The following FAT3 variants were observed in gnomAD, a reference collection of about 807,000 sequenced individuals.
FAT3 encodes the protein FAT atypical cadherin 3.
In FAT3, 95 loss-of-function variants were observed where a neutral mutation model predicts 310.2. The observed-to-expected ratio is 0.31, with a 90% confidence interval of 0.26 to 0.36. The LOEUF is 0.36. Ranked by LOEUF, FAT3 falls within the 10% of genes least tolerant of loss-of-function variation. The pLI, the probability that FAT3 is intolerant of heterozygous loss-of-function variation, is 1.00. For missense variants in FAT3, 5,408 were observed against 5,715.6 expected (o/e 0.95, Z 1.74); for synonymous variants, 2,314 against 2,192.9 (o/e 1.06, Z -1.54).
chr11:92,358,369 A>C (rs1319797108), intron 2 of FAT3, among the ~76,000 whole-genome samples: 1 of 152,086 alleles, frequency 6.6e-6, no homozygotes, highest in Non-Finnish European at 1.5e-5. Flanking sequence ...TCTTGAACCC[A>C]CATCTCCTCA....
rs754718343 is a variant in FAT3, at chr11:92,801,213, C to T, written c.8200C>T (p.Pro2734Ser). The part of the protein sequence containing the change: ...GSTVDTLRIL[P>S]SQNVWFSTVN... ...TACAGTGGACACCCTGAGGATTTTG[C>T]CCAGTCAGAATGTCTGGTTCAGCAC... is the stretch of plus-strand genomic sequence containing the variant. The change falls in exon 10 of 28, where the codon CCC becomes TCC. Residue 2734 changes from proline (P) to serine (S), a missense_variant. Pro to Ser is a moderately conservative substitution (Grantham distance 74). Around this residue, in one of 5 missense-constraint regions of FAT3, gnomAD observed 4,588 missense variants for 4,809.8 expected, o/e 0.95. Coordinates refer to ENST00000525166, the MANE Select transcript of FAT3 (RefSeq NM_001367949.2). 4 of 1,613,714 alleles carry T rather than the reference C, an allele frequency of 2.5e-6. No individual in the cohort carries two copies. The highest frequency in any genetic ancestry group is 1.3e-5 in the African/African-American group (1 of 75,032).
chr11:92,560,129 T>C (rs1279684006), intron 3 of FAT3, among the ~76,000 whole-genome samples: 2 of 152,182 alleles, frequency 1.3e-5, no homozygotes, highest in Admixed American at 6.6e-5. Flanking sequence ...CATCTGACTT[T>C]TTGTTTTTAG....
chr11:92,683,305 G>A (rs1223054508), intron 3 of FAT3, among the ~76,000 whole-genome samples: 2 of 152,130 alleles, frequency 1.3e-5, no homozygotes, highest in African/African-American at 4.8e-5. Flanking sequence ...CTAAAGGAAA[G>A]GATATTTCTT....
chr11:92,242,504 C>T (rs1434540574), intron 1 of FAT3, among the ~76,000 whole-genome samples: 2 of 151,852 alleles, frequency 1.3e-5, no homozygotes, highest in Non-Finnish European at 2.9e-5. Flanking sequence ...TCTTCACTGA[C>T]TCATAAATGT....
chr11:92,497,630 T>A (rs1952803374), intron 2 of FAT3, among the ~76,000 whole-genome samples: 1 of 152,068 alleles, frequency 6.6e-6, no homozygotes, highest in Non-Finnish European at 1.5e-5. Flanking sequence ...ATTTATGATA[T>A]GACATCATCT....
chr11:92,747,532 T>C (rs1945709003), intron 4 of FAT3, among the ~76,000 whole-genome samples: 2 of 152,248 alleles, frequency 1.3e-5, no homozygotes, highest in Admixed American at 6.5e-5. Context: ...GTTTTCCCAT[T>C]GTCTTGGTGA....
chr11:92,378,709 C>T (rs189986508), intron 2 of FAT3, among the ~76,000 whole-genome samples: 1 of 152,288 alleles, frequency 6.6e-6, no homozygotes, highest in East Asian at 1.9e-4. Flanking sequence ...TAACAGAATA[C>T]CATAAGCTGA....
At chr11:92,832,340 AAAT>A (rs573100211) in intron 14 of FAT3, among the ~76,000 whole-genome samples, 1 of 151,994 alleles carries the variant, frequency 6.6e-6, no homozygotes, top group South Asian at 2.1e-4. Flanking sequence ...TGTCCAAAAA[AAAT>A]AATAATAGTA....
chr11:92,639,287 A>T (rs1216960514), intron 3 of FAT3, among the ~76,000 whole-genome samples: 2 of 152,114 alleles, frequency 1.3e-5, no homozygotes, highest in Non-Finnish European at 2.9e-5. Flanking sequence ...ACTACCTTTA[A>T]TGCTGTCTGC....
At chr11:92,265,889 A>G (rs897518809) in intron 1 of FAT3, among the ~76,000 whole-genome samples, 1 of 152,020 alleles carries the variant, frequency 6.6e-6, no homozygotes, top group Admixed American at 6.6e-5. Context: ...CAACACATAC[A>G]TCTTTGGGGA....
intron 3 of FAT3, among the ~76,000 whole-genome samples, chr11:92,664,123 G>A (rs1565496198): frequency 6.6e-6 from 1 of 152,072 alleles, no homozygotes; most frequent in Non-Finnish European, 1.5e-5. Flanking sequence ...TGTTCAGCAT[G>A]GCATGTCCTT....
chr11:92,745,455 T>A (rs1945631816), intron 4 of FAT3, among the ~76,000 whole-genome samples: 1 of 152,044 alleles, frequency 6.6e-6, no homozygotes, highest in Non-Finnish European at 1.5e-5. Context: ...TGAGGAGGTG[T>A]TTAGTTCCTG....
intron 3 of FAT3, among the ~76,000 whole-genome samples, chr11:92,691,782 C>G (rs1187195977): frequency 6.6e-6 from 1 of 151,992 alleles, no homozygotes; most frequent in Admixed American, 6.6e-5. Flanking sequence ...CAAAATAATT[C>G]CTATTTCTCT....
intron 3 of FAT3, among the ~76,000 whole-genome samples, chr11:92,556,663 A>G (rs1326578214): frequency 6.6e-6 from 1 of 152,160 alleles, no homozygotes; most frequent in Non-Finnish European, 1.5e-5. Context: ...TTGTTTCATG[A>G]ACATGCTTAA....
rs768150016 is a variant in FAT3, at chr11:92,800,947, T to C, written c.7934T>C (p.Val2645Ala). Residue 2645 changes from valine to alanine, a missense_variant, in exon 10 of 28, where the codon GTT becomes GCT. Val to Ala is a moderately conservative substitution (Grantham distance 64, BLOSUM62 0). Coordinates refer to ENST00000525166, the MANE Select transcript of FAT3 (RefSeq NM_001367949.2). ...TATTCCCTCTATAGCGAGGCCTCTG[T>C]TTCAGTGGCCGACCTCCTGGAAATC... ...ITYSLYSEAS[V>A]SVADLLEIDP... The C allele has an allele frequency of 5.6e-6, 9 of 1,613,018 alleles. No individual in the cohort carries two copies. In the South Asian group the frequency reaches 6.6e-5, roughly 12 times the overall value.
intron 4 of FAT3, among the ~76,000 whole-genome samples, chr11:92,751,907 C>T (rs12224427): frequency 0.26 from 40,084 of 151,934 alleles, 5,934 homozygotes; most frequent in Non-Finnish European, 0.33. Context: ...TAAGCCTCAC[C>T]GTCTCCAGCT....
chr11:92,893,550 G>A lies in FAT3; in HGVS notation c.*2437G>A, dbSNP rs1949961892. ...TACTGCTTACACAGCATCTCTTTGAGGGAGAATGCCTGACTGACACAGTAA... is the reference window on the plus strand; with the variant it reads ...TACTGCTTACACAGCATCTCTTTGAAGGAGAATGCCTGACTGACACAGTAA... On this transcript the variant is annotated 3_prime_UTR_variant, in exon 28 of 28. Coordinates refer to ENST00000525166, the MANE Select transcript of FAT3 (RefSeq NM_001367949.2). The A allele has an allele frequency of 6.6e-6, 1 of 152,172 alleles. No individual in the cohort carries two copies. Among genetic ancestry groups the A allele is most frequent in the Admixed American group, 6.5e-5 (1 of 15,286 alleles). 9.4% of individuals were successfully genotyped at this position (152,172 alleles called of 1,614,324 possible).
intron 2 of FAT3, among the ~76,000 whole-genome samples, chr11:92,355,614 G>A (rs1468022865): frequency 1.6e-4 from 24 of 152,146 alleles, no homozygotes; most frequent in Non-Finnish European, 1.5e-5. Flanking sequence ...TCCAGTGGGA[G>A]TCCTGGTTTG....
chr11:92,371,748 G>A (rs577407906), intron 2 of FAT3, among the ~76,000 whole-genome samples: 30 of 152,210 alleles, frequency 2.0e-4, no homozygotes, highest in South Asian at 1.2e-3. Context: ...GAGGCTTTAA[G>A]CCCAAAGAGC....
Sources: gnomAD v4.1 joint callset for allele counts (sites outside exome capture counted in the v4.1 genomes callset) on GRCh38, gnomAD v4.1.1 for gene constraint, gnomAD v4.1.1 regional missense constraint, MANE v1.5 for transcripts, NCBI Gene and HGNC (gene_info 2026-07-23, HGNC 2026-07-21) for gene names.